SRBD1: variants seen among roughly 807,000 people sequenced by gnomAD.
SRBD1 encodes the protein S1 RNA binding domain 1.
A neutral mutation model predicts 115.3 loss-of-function variants in SRBD1; 88 were observed. The observed-to-expected ratio is 0.76, with a 90% CI of 0.64 to 0.91. The LOEUF (loss-of-function observed/expected upper bound fraction) is 0.91. Among genes scored for constraint, SRBD1 ranks in the 40% least tolerant of loss-of-function variants. The pLI, the probability that SRBD1 is intolerant of heterozygous loss-of-function variation, is 0.00. For missense variants in SRBD1, 1,385 were observed against 1,177.4 expected, an observed-to-expected ratio of 1.18 and a Z score of -2.58; for synonymous variants, 509 against 407.7, an observed-to-expected ratio of 1.25 and a Z score of -2.99.
At chr2:45,588,139 C>A (rs970138965) in intron 4 of SRBD1, among the ~76,000 whole-genome samples, 1 of 152,202 alleles carries the variant, frequency 6.6e-6, no homozygotes, top group African/African-American at 2.4e-5. Context: ...CACTCTGTCT[C>A]ATCTATTCCA....
chr2:45,441,346 C>G (rs1471212610), intron 16 of SRBD1, among the ~76,000 whole-genome samples: 1 of 152,240 alleles, frequency 6.6e-6, no homozygotes, highest in Non-Finnish European at 1.5e-5. Context: ...GCCTCCCATA[C>G]TGTTCCTATC....
intron 16 of SRBD1, among the ~76,000 whole-genome samples, chr2:45,432,416 T>C (rs1668368699): frequency 1.3e-5 from 2 of 152,208 alleles, no homozygotes; most frequent in Admixed American, 1.3e-4. Flanking sequence ...ATAATGTCTT[T>C]GACATTAAAG....
At chr2:45,405,019 T>G (rs1036419622) in intron 19 of SRBD1, among the ~76,000 whole-genome samples, 3 of 152,140 alleles carry the variant, frequency 2.0e-5, no homozygotes, top group Non-Finnish European at 4.4e-5. Flanking sequence ...CAATGAGGCC[T>G]GCGATGACTA....
In SRBD1 at chr2:45,497,417, C is replaced by A. The variant is rs917329134; in HGVS notation, c.1875-9086G>T. Among the ~76,000 whole-genome samples, 7 of 152,284 alleles carry A rather than the reference C, an allele frequency of 4.6e-5. No individual in the cohort carries two copies. In the South Asian group the frequency reaches 1.5e-3, roughly 32 times the overall value. On this transcript the variant is annotated intron_variant, in intron 14 of 20. Coordinates refer to ENST00000263736, the MANE Select transcript of SRBD1 (RefSeq NM_018079.5). ...TGTACATAAACGGTACCAAAAACAA[C>A]CCACATTTCCATTTAACTTTCCTTC... is the stretch of plus-strand genomic sequence containing the variant.
chr2:45,510,660 T>G (rs1435364520), intron 14 of SRBD1, among the ~76,000 whole-genome samples: 1 of 152,214 alleles, frequency 6.6e-6, no homozygotes, highest in East Asian at 1.9e-4. Context: ...TAAAATCGTT[T>G]CCCTGAATTG....
intron 14 of SRBD1, among the ~76,000 whole-genome samples, chr2:45,501,487 A>T (rs1185832976): frequency 6.6e-6 from 1 of 152,136 alleles, no homozygotes; most frequent in Non-Finnish European, 1.5e-5. Context: ...GAAGCAGGGC[A>T]AGGCATCGCC....
rs1235316549 is a variant in SRBD1, at chr2:45,422,515, C to T, written c.2050-2621G>A. 2.6e-5 allele frequency among the ~76,000 whole-genome samples: 4 copies of T among 152,170 alleles called. No homozygotes were observed. The South Asian group carries it at 6.2e-4, about 24-fold the overall frequency. ...ATAAAGGAATAGAATAAACCACATA[C>T]AGCATATTGTATATACCCTTAACAT... is the stretch of plus-strand genomic sequence containing the variant. On this transcript the variant is annotated intron_variant, in intron 16 of 20. Transcript: ENST00000263736.
In SRBD1 at chr2:45,413,188, T is replaced by C. The variant is rs150586725; in HGVS notation, c.2439A>G (p.Ala813=). The change falls in exon 19 of 21, where the codon GCA becomes GCG. Residue 813 remains alanine (A), a synonymous_variant. Transcript: ENST00000263736. ...GATTTGGCTTCAGTAAAACATTCAC[T>C]GCAGTTTTGCTCTTCTTTTTGCCCT... ...EKQGKKKSKT[A]VNVLLKPNPL... is the part of the protein sequence containing the mutation. 5.1e-5 allele frequency: 83 copies of C among 1,614,156 alleles called. No individual in the cohort carries two copies. In the South Asian group the frequency reaches 6.8e-4, roughly 13 times the overall value.
intron 15 of SRBD1, among the ~76,000 whole-genome samples, chr2:45,478,481 C>G (rs541550235): frequency 1.3e-5 from 2 of 152,310 alleles, no homozygotes; most frequent in South Asian, 2.1e-4. Context: ...GAACGCTGAG[C>G]TGGCGTTACA....
At chr2:45,402,793 G>C (rs1007453428) in intron 19 of SRBD1, among the ~76,000 whole-genome samples, 2 of 152,056 alleles carry the variant, frequency 1.3e-5, no homozygotes, top group Non-Finnish European at 2.9e-5. Flanking sequence ...GTCTCACTGT[G>C]GCACATACAA....
intron 20 of SRBD1, among the ~76,000 whole-genome samples, chr2:45,392,258 G>A (rs1667025711): frequency 6.6e-6 from 1 of 152,252 alleles, no homozygotes; most frequent in Admixed American, 6.5e-5. Context: ...AATAAAAAGA[G>A]CCAAGCCCTA....
At chr2:45,595,646 A>T (rs1285318842) in intron 4 of SRBD1, among the ~76,000 whole-genome samples, 1 of 152,346 alleles carries the variant, frequency 6.6e-6, no homozygotes, top group East Asian at 1.9e-4. Flanking sequence ...CAGTTTTAAG[A>T]CAAAATTACT....
chr2:45,605,285 A>T lies in SRBD1; in HGVS notation c.80+77T>A, dbSNP rs112479176. On this transcript the variant is annotated intron_variant, in intron 2 of 20. Transcript: ENST00000263736. The stretch of plus-strand genomic sequence containing the variant: ...TTCTACCCACATCACTTAAGGAGTT[A>T]GAAAGTGACAGAATGCATTACTCCT... The T allele has an allele frequency of 2.4e-5, 34 of 1,412,958 alleles. No individual in the cohort carries two copies. The African/African-American group carries it at 4.6e-4, about 19-fold the overall frequency. 87.5% of individuals were successfully genotyped at this position (1,412,958 alleles called of 1,614,324 possible).
intron 4 of SRBD1, among the ~76,000 whole-genome samples, chr2:45,587,055 AT>A (rs975017693): frequency 7.1e-6 from 1 of 139,992 alleles, no homozygotes; most frequent in Non-Finnish European, 1.5e-5. Flanking sequence ...ATATTTAATT[AT>A]TTTAAATTAT....
At chr2:45,457,136 T>C (rs933733244) in intron 16 of SRBD1, among the ~76,000 whole-genome samples, 1 of 151,868 alleles carries the variant, frequency 6.6e-6, no homozygotes, top group African/African-American at 2.4e-5. Flanking sequence ...AATATAAAAC[T>C]GTAACAATAT....
chr2:45,474,884 T>C (rs1669760374), intron 16 of SRBD1, among the ~76,000 whole-genome samples: 1 of 152,230 alleles, frequency 6.6e-6, no homozygotes, highest in South Asian at 2.1e-4. Context: ...GTACACCTTT[T>C]CTGTCAACTC....
intron 19 of SRBD1, among the ~76,000 whole-genome samples, chr2:45,403,040 A>G (rs1667333400): frequency 6.6e-6 from 1 of 152,164 alleles, no homozygotes; most frequent in Non-Finnish European, 1.5e-5. Flanking sequence ...TCACACACAC[A>G]GACATGACAG....
intron 10 of SRBD1, among the ~76,000 whole-genome samples, chr2:45,558,387 G>T (rs1032226914): frequency 2.0e-5 from 3 of 152,114 alleles, no homozygotes; most frequent in Non-Finnish European, 4.4e-5. Context: ...AATTACTGAG[G>T]TTCTCACAAA....
At chr2:45,440,872 T>C (rs1289545145) in intron 16 of SRBD1, among the ~76,000 whole-genome samples, 2 of 152,132 alleles carry the variant, frequency 1.3e-5, no homozygotes, top group Non-Finnish European at 2.9e-5. Context: ...TTCAGAAATT[T>C]TGACAGCCAT....
Sources: allele counts gnomAD v4.1 joint callset (sites outside exome capture counted in the v4.1 genomes callset), GRCh38; gene constraint gnomAD v4.1.1; transcripts MANE v1.5; gene names NCBI Gene and HGNC (gene_info 2026-07-23, HGNC 2026-07-21).